Variants in BORCS5 observed in about 807,000 individuals in gnomAD.
The protein encoded by BORCS5 is BLOC-1 related complex subunit 5.
A neutral mutation model predicts 22.1 loss-of-function variants in BORCS5; 17 were observed. The ratio of observed to expected loss-of-function variants is 0.77; its 90% CI spans 0.53 to 1.15. The LOEUF (loss-of-function observed/expected upper bound fraction) is 1.15. Ranked by LOEUF, BORCS5 falls within the 50% of genes most tolerant of loss-of-function variation. BORCS5 has a pLI of 0.00. For missense variants in BORCS5, 247 were observed against 253.2 expected (o/e 0.98, Z 0.17); for synonymous variants, 117 against 99.8 (o/e 1.17, Z -1.03).
intron 3 of BORCS5, among the ~76,000 whole-genome samples, chr12:12,461,580 T>C (rs1943106668): frequency 6.6e-6 from 1 of 152,200 alleles, no homozygotes; most frequent in Non-Finnish European, 1.5e-5. Context: ...AGGCCTGGTC[T>C]CCTCTTACAC....
intron 2 of BORCS5, among the ~76,000 whole-genome samples, chr12:12,427,706 G>A (rs1942324773): frequency 1.3e-5 from 2 of 152,170 alleles, no homozygotes; most frequent in Admixed American, 1.3e-4. Flanking sequence ...TAGTTCTGGT[G>A]GCTGGGAAAT....
chr12:12,452,868 C>T (rs1316058829), intron 3 of BORCS5, among the ~76,000 whole-genome samples: 2 of 152,106 alleles, frequency 1.3e-5, no homozygotes, highest in Non-Finnish European at 2.9e-5. Flanking sequence ...CCTGTCATAC[C>T]CTAACCTTTA....
chr12:12,425,952 C>T (rs930911404), intron 2 of BORCS5, among the ~76,000 whole-genome samples: 1 of 152,186 alleles, frequency 6.6e-6, no homozygotes, highest in Non-Finnish European at 1.5e-5. Flanking sequence ...AATTGTGTGC[C>T]TCCTCTTTGC....
At chr12:12,432,443 C>G (rs1308705374) in intron 2 of BORCS5, among the ~76,000 whole-genome samples, 2 of 152,202 alleles carry the variant, frequency 1.3e-5, no homozygotes, top group African/African-American at 4.8e-5. Flanking sequence ...TTTCTTGGTA[C>G]AGGCACTCTG....
At chr12:12,362,662 T>TTA (rs869063824) in intron 2 of BORCS5, among the ~76,000 whole-genome samples, 12 of 143,340 alleles carry the variant, frequency 8.4e-5, no homozygotes, top group African/African-American at 2.6e-4. Context: ...TTTTTTTTTT[T>TTA]AGAGTTTTGC....
chr12:12,379,997 C>T (rs117937426), intron 2 of BORCS5, among the ~76,000 whole-genome samples: 2,665 of 151,242 alleles, frequency 0.018, 107 homozygotes, highest in Middle Eastern at 0.065. Context: ...ATTCATTGGC[C>T]TGATTTCAAT....
chr12:12,379,642 A>C (rs1191972560), intron 2 of BORCS5, among the ~76,000 whole-genome samples: 2 of 151,404 alleles, frequency 1.3e-5, no homozygotes, highest in Non-Finnish European at 3.0e-5. Flanking sequence ...TTAAGGCAAG[A>C]GTGGGTTCCC....
chr12:12,414,519 G>A (rs1472157222), intron 2 of BORCS5, among the ~76,000 whole-genome samples: 1 of 71,822 alleles, frequency 1.4e-5, no homozygotes, highest in East Asian at 2.8e-4. Context: ...GGGCAGAGGA[G>A]CCCCTCACCT....
chr12:12,415,492 T>C (rs1328584148), intron 2 of BORCS5, among the ~76,000 whole-genome samples: 1 of 135,180 alleles, frequency 7.4e-6, no homozygotes, highest in Non-Finnish European at 1.6e-5. Context: ...TGAGCCGAGA[T>C]GGCAGCAGTA....
rs576753703 is a variant in BORCS5 at position 12,414,352 on chromosome 12, C to T, written c.203-21276C>T. Among the ~76,000 whole-genome samples, 4 of 108,616 alleles carry T rather than the reference C, an allele frequency of 3.7e-5. No homozygotes were observed. In the South Asian group the frequency reaches 8.6e-4, roughly 23 times the overall value. The allele number at this position is 108,616 out of a possible 152,430, so 71.3% of individuals were successfully genotyped here. A position where few individuals can be genotyped will look rare whatever the true frequency, so the allele number is the denominator to read the frequency against. ...GCGGGGGGCTGGCCCCCCCACCTCC[C>T]TCCCGGACGGGGTGGCTGGTCAGGC... On this transcript the variant is annotated intron_variant, in intron 2 of 3. Coordinates refer to ENST00000314565, the MANE Select transcript of BORCS5 (RefSeq NM_058169.6).
At chr12:12,443,401 T>C in intron 3 of BORCS5, among the ~76,000 whole-genome samples, 1 of 152,210 alleles carries the variant, frequency 6.6e-6, no homozygotes, top group East Asian at 1.9e-4. Context: ...ACAGTGTAAT[T>C]ATAGTTTCCC....
chr12:12,438,783 A>G (rs1202742095), intron 3 of BORCS5, among the ~76,000 whole-genome samples: 1 of 152,222 alleles, frequency 6.6e-6, no homozygotes, highest in Non-Finnish European at 1.5e-5. Context: ...ATTTTATAGT[A>G]AATCCCCAGA....
chr12:12,395,593 G>A (rs138503183), intron 2 of BORCS5, among the ~76,000 whole-genome samples: 2 of 151,854 alleles, frequency 1.3e-5, no homozygotes, highest in East Asian at 3.9e-4. Flanking sequence ...GGCAAGGTGG[G>A]AAAATTAGGT....
chr12:12,374,210 C>G (rs948733681), intron 2 of BORCS5, among the ~76,000 whole-genome samples: 53 of 151,666 alleles, frequency 3.5e-4, no homozygotes, highest in African/African-American at 1.3e-3. Context: ...CCAGGATGGT[C>G]TCGATCTCCT....
In BORCS5 at chr12:12,373,323, G is replaced by A. The variant is rs939897049; in HGVS notation, c.202+11974G>A. ...TGTTGTTTAAGCCATCCAGTTTATGGTATTCTTGTTGTAGCAGCCTGTACC... is the reference window on the plus strand; with the variant it reads ...TGTTGTTTAAGCCATCCAGTTTATGATATTCTTGTTGTAGCAGCCTGTACC... On this transcript the variant is annotated intron_variant, in intron 2 of 3. Coordinates refer to ENST00000314565, the MANE Select transcript of BORCS5 (RefSeq NM_058169.6). 3.3e-5 allele frequency among the ~76,000 whole-genome samples: 5 copies of A among 152,300 alleles called. No individual in the cohort carries two copies. In the South Asian group the frequency reaches 1.0e-3, roughly 32 times the overall value.
At position 12,405,626 on chromosome 12, in the gene BORCS5, A is replaced by G. The variant is rs139192201; in HGVS notation, c.203-30002A>G. Among the ~76,000 whole-genome samples the G allele has an allele frequency of 5.0e-3, 760 of 152,338 alleles. 7 individuals carry two copies. The highest frequency in any genetic ancestry group is 0.017 in the African/African-American group (724 of 41,578). On this transcript the variant is annotated intron_variant, in intron 2 of 3. Transcript: ENST00000314565. ...CTTGGCTGAGAGAGTGCCATCATTA[A>G]TATTAGGCATTATTTTTCTTATTCT...
At chr12:12,406,226 C>A (rs1181317534) in intron 2 of BORCS5, among the ~76,000 whole-genome samples, 1 of 152,218 alleles carries the variant, frequency 6.6e-6, no homozygotes, top group African/African-American at 2.4e-5. Flanking sequence ...GAAAGAAATA[C>A]TTCGTTTATA....
Position 12,465,896 on chromosome 12 carries a change from G to A in BORCS5, c.*120G>A. The A allele has an allele frequency of 1.3e-6, 1 of 755,218 alleles. No homozygotes were observed. Among genetic ancestry groups the A allele is most frequent in the Non-Finnish European group, 2.1e-6 (1 of 476,750 alleles). 46.8% of individuals were successfully genotyped at this position (755,218 alleles called of 1,614,324 possible). The stretch of plus-strand genomic sequence containing the variant: ...CTGGCGGGAGGCTCCCTGAAAGTGG[G>A]TGCGAAGGAGTCCGGCTGGCATGAA... On this transcript the variant is annotated 3_prime_UTR_variant, in exon 4 of 4. Transcript: ENST00000314565.
intron 2 of BORCS5, among the ~76,000 whole-genome samples, chr12:12,425,904 G>T (rs1195902135): frequency 6.6e-6 from 1 of 152,194 alleles, no homozygotes; most frequent in Non-Finnish European, 1.5e-5. Flanking sequence ...ACTACAGTTG[G>T]TGACTGGGGA....
Sources: allele counts gnomAD v4.1 joint callset (sites outside exome capture counted in the v4.1 genomes callset), GRCh38; gene constraint gnomAD v4.1.1; transcripts MANE v1.5; gene names NCBI Gene and HGNC (gene_info 2026-07-23, HGNC 2026-07-21).